MYH15: variants seen among roughly 807,000 people sequenced by gnomAD.
MYH15 encodes myosin heavy chain 15.
MYH15 carries 227 observed loss-of-function variants against 240.5 expected under a neutral mutation model. That is an observed-to-expected ratio of 0.94 (90% CI 0.85 to 1.05). MYH15 has a LOEUF of 1.05. Ranked by LOEUF, MYH15 falls within the 50% of genes least tolerant of loss-of-function variation. The probability of loss-of-function intolerance (pLI) is 0.00; values close to 1 mark genes in which losing one functional copy is unlikely to be tolerated. For missense variants in MYH15, 2,217 were observed against 2,247.5 expected (o/e 0.99, Z 0.27); for synonymous variants, 785 against 796.7 (o/e 0.99, Z 0.25).
intron 1 of MYH15, among the ~76,000 whole-genome samples, chr3:108,518,326 C>T (rs1441070694): frequency 2.0e-5 from 3 of 152,152 alleles, no homozygotes; most frequent in Admixed American, 1.3e-4. Flanking sequence ...AATTGCCAAG[C>T]TCTGCTGACT....
chr3:108,525,665 T>G (rs1009412567), intron 1 of MYH15, among the ~76,000 whole-genome samples: 7 of 152,132 alleles, frequency 4.6e-5, no homozygotes, highest in Non-Finnish European at 7.4e-5. Context: ...GTTTAGATAC[T>G]CTCATGTCTA....
chr3:108,498,166 A>G, intron 5 of MYH15, 21 bp from the exon 6 acceptor site: 3 of 1,604,876 alleles, frequency 1.9e-6, no homozygotes, highest in Non-Finnish European at 2.6e-6. Context: ...AAATTCAGTG[A>G]TACAGTTAAC....
At chr3:108,499,559 C>G (rs1016503237) in intron 4 of MYH15, 77 bp from the exon 5 acceptor site, 1 of 1,402,406 alleles carries the variant, frequency 7.1e-7, no homozygotes, top group Admixed American at 1.8e-5. Context: ...TCAAAATTTC[C>G]CTAGCTACAA....
chr3:108,538,874 AG>A, the MYH15 span, among the ~76,000 whole-genome samples: 4 of 152,138 alleles, frequency 2.6e-5, no homozygotes, highest in African/African-American at 9.7e-5. Context: ...ACATCCCGTG[AG>A]GGTCTTCTTG....
Position 108,428,663 on chromosome 3 carries a change from A to G in MYH15, c.3531T>C (p.Phe1177=), listed in dbSNP as rs201473403. The change falls in exon 27 of 41, where the codon TTT becomes TTC. Residue 1177 remains phenylalanine (F), a synonymous_variant. Coordinates refer to ENST00000693548, the MANE Select transcript of MYH15 (RefSeq NM_014981.3). ...TCTTCAAAGATGCAGAAGTTGTCTC[A>G]AAGTGCAGAGTGGCCTCTTCCATGT... is the stretch of plus-strand genomic sequence containing the variant. ...HRDMEEATLH[F]ETTSASLKKR... is the part of the protein sequence containing the mutation. The G allele has an allele frequency of 2.0e-3, 3,244 of 1,612,958 alleles. 9 individuals carry two copies. The highest frequency in any genetic ancestry group is 2.6e-3 in the Middle Eastern group (16 of 6,060).
At chr3:108,543,956 A>G in the MYH15 span, 1 of 145,484 alleles carries the variant, frequency 6.9e-6, no homozygotes, top group Non-Finnish European at 1.5e-5. Flanking sequence ...GCTAGTTCAC[A>G]TGTCATCTAG....
chr3:108,400,592 C>T lies in MYH15; in HGVS notation c.4737-1325G>A, dbSNP rs369824319. ...CTGTAATCCCAGCACTTTGGGAGGC[C>T]GAGGTGGGCAGATCGAGACCAGCCT... On this transcript the variant is annotated intron_variant, in intron 33 of 40. Coordinates refer to ENST00000693548, the MANE Select transcript of MYH15 (RefSeq NM_014981.3). Among the ~76,000 whole-genome samples the T allele has an allele frequency of 2.6e-5, 4 of 152,088 alleles. No homozygotes were observed. In the East Asian group the frequency reaches 7.7e-4, roughly 29 times the overall value.
chr3:108,412,198 A>T (rs769961810), intron 30 of MYH15, among the ~76,000 whole-genome samples: 3 of 152,158 alleles, frequency 2.0e-5, no homozygotes, highest in Non-Finnish European at 4.4e-5. Flanking sequence ...CATAATCCCC[A>T]CATGTCATGG....
chr3:108,529,805 C>G (rs114882385), upstream of MYH15, among the ~76,000 whole-genome samples: 147 of 152,260 alleles, frequency 9.7e-4, no homozygotes, highest in Admixed American at 2.7e-3. Context: ...AGACATAACA[C>G]AGGGAGTTTT....
At chr3:108,514,638 G>C (rs963515689), upstream of MYH15, among the ~76,000 whole-genome samples, 1 of 152,014 alleles carries the variant, frequency 6.6e-6, no homozygotes, top group Non-Finnish European at 1.5e-5. Context: ...TTTGGGGTGG[G>C]GGGGTGGAGC....
intron 31 of MYH15, 52 bp downstream of exon 31, chr3:108,410,531 C>G: frequency 7.4e-7 from 1 of 1,347,458 alleles, no homozygotes; most frequent in South Asian, 1.6e-5. Context: ...GTAGCCAGGG[C>G]TCTTCCTGAG....
At chr3:108,408,207 C>T in intron 32 of MYH15, 73 bp downstream of exon 32, 1 of 1,493,116 alleles carries the variant, frequency 6.7e-7, no homozygotes, top group South Asian at 1.3e-5. Context: ...TTTGTTGGTG[C>T]TGCTGTTATT....
At chr3:108,384,846 T>A in intron 38 of MYH15, 64 bp from the exon 39 acceptor site, 3 of 1,391,598 alleles carry the variant, frequency 2.2e-6, no homozygotes, top group Non-Finnish European at 3.0e-6. Flanking sequence ...GTTGGTGTAG[T>A]CTCATGTGGG....
intron 21 of MYH15, among the ~76,000 whole-genome samples, chr3:108,445,405 A>G (rs1353265774): frequency 6.6e-6 from 1 of 152,220 alleles, no homozygotes; most frequent in Non-Finnish European, 1.5e-5. Flanking sequence ...GGTGTGAGTG[A>G]AGACAAATCC....
intron 31 of MYH15, among the ~76,000 whole-genome samples, chr3:108,409,067 G>A (rs1441326078): frequency 6.6e-6 from 1 of 152,132 alleles, no homozygotes; most frequent in African/African-American, 2.4e-5. Context: ...TGTGGTATAG[G>A]GCCAAGTAGC....
intron 24 of MYH15, among the ~76,000 whole-genome samples, chr3:108,439,074 C>G (rs1379534475): frequency 6.6e-6 from 1 of 151,676 alleles, no homozygotes; most frequent in Non-Finnish European, 1.5e-5. Flanking sequence ...AACCTAACCA[C>G]TCTTGTCAAC....
At chr3:108,462,536 C>G (rs1200435974) in intron 16 of MYH15, among the ~76,000 whole-genome samples, 1 of 152,014 alleles carries the variant, frequency 6.6e-6, no homozygotes, top group Admixed American at 6.5e-5. Context: ...CTGTATATAT[C>G]TTAAAGTGTC....
chr3:108,545,292 G>A, the MYH15 span, among the ~76,000 whole-genome samples: 1 of 151,952 alleles, frequency 6.6e-6, no homozygotes, highest in African/African-American at 2.4e-5. Context: ...TACTACTCTC[G>A]AAAATAACAG....
intron 12 of MYH15, among the ~76,000 whole-genome samples, chr3:108,475,991 T>A (rs567519455): frequency 6.6e-6 from 1 of 152,178 alleles, no homozygotes; most frequent in Admixed American, 6.5e-5. Context: ...GTTTCTCAAC[T>A]AACGTGTCAC....
Sources: allele counts gnomAD v4.1 joint callset (sites outside exome capture counted in the v4.1 genomes callset), GRCh38; gene constraint gnomAD v4.1.1; transcripts MANE v1.5; gene names NCBI Gene and HGNC (gene_info 2026-07-23, HGNC 2026-07-21).